RANBP2: variants seen among roughly 807,000 people sequenced by gnomAD.
RANBP2 encodes E3 SUMO-protein ligase RanBP2.
In RANBP2, 57 loss-of-function variants were observed where a neutral mutation model predicts 303.6. The ratio of observed to expected loss-of-function variants is 0.19; its 90% confidence interval spans 0.15 to 0.23. The LOEUF is 0.23. RANBP2 is among the 10% of genes least tolerant of loss of function. The pLI is 1.00. For synonymous variants in RANBP2, 1,167 were observed against 1,301.5 expected (o/e 0.90, Z 2.23); for missense variants, 3,138 against 3,780.8 (o/e 0.83, Z 4.46).
In RANBP2 at chr2:108,753,035, A is replaced by G. The variant is rs1346342185; in HGVS notation, c.1793A>G (p.Tyr598Cys). The G allele has an allele frequency of 1.9e-6, 3 of 1,609,754 alleles. No homozygotes were observed. Among genetic ancestry groups the G allele is most frequent in the African/African-American group, 2.7e-5 (2 of 74,574 alleles). The change falls in exon 13 of 29, where the codon TAC becomes TGC. Residue 598 changes from tyrosine (Y) to cysteine (C), a missense_variant. This residue lies in a region of RANBP2 where 162 missense variants were observed against 286.9 expected (regional missense o/e 0.56). Transcript: ENST00000283195. ...GLNSFYDQRE[Y>C]IGRSVHYWKK... ...AATTCTTTTTATGATCAACGAGAATACATAGGGAGAAGTGTTCATTATTGG... is the reference window on the plus strand; with the variant it reads ...AATTCTTTTTATGATCAACGAGAATGCATAGGGAGAAGTGTTCATTATTGG...
the RANBP2 span, among the ~76,000 whole-genome samples, chr2:108,997,075 T>C: frequency 6.6e-6 from 1 of 152,178 alleles, no homozygotes; most frequent in African/African-American, 2.4e-5. Context: ...AACTAGTCTC[T>C]GTTGCCAGAA....
the RANBP2 span, among the ~76,000 whole-genome samples, chr2:109,133,435 A>G: frequency 2.0e-5 from 3 of 152,232 alleles, no homozygotes; most frequent in Non-Finnish European, 2.9e-5. Flanking sequence ...TTTTATAAGC[A>G]TACACGTGTA....
At chr2:109,319,875 T>A in the RANBP2 span, among the ~76,000 whole-genome samples, 3 of 152,206 alleles carry the variant, frequency 2.0e-5, no homozygotes, top group Non-Finnish European at 1.5e-5. Context: ...CCATTTGCCC[T>A]GCATTTGGGA....
chr2:108,852,571 A>C, the RANBP2 span, among the ~76,000 whole-genome samples: 2 of 152,238 alleles, frequency 1.3e-5, no homozygotes, highest in Non-Finnish European at 2.9e-5. Context: ...CTATGCAGCC[A>C]TTAAAAAGAA....
chr2:109,364,252 C>T, the RANBP2 span, among the ~76,000 whole-genome samples: 7 of 151,696 alleles, frequency 4.6e-5, no homozygotes, highest in African/African-American at 1.7e-4. Flanking sequence ...CTTTCCTCAA[C>T]TGTGTCCAGT....
At chr2:109,001,121 T>C in the RANBP2 span, among the ~76,000 whole-genome samples, 1 of 152,142 alleles carries the variant, frequency 6.6e-6, no homozygotes, top group African/African-American at 2.4e-5. Context: ...GCTACATGAG[T>C]GGCTCGTATA....
the RANBP2 span, among the ~76,000 whole-genome samples, chr2:108,809,843 T>C: frequency 6.6e-6 from 1 of 152,150 alleles, no homozygotes; most frequent in South Asian, 2.1e-4. Context: ...TCTCACTCTG[T>C]CGCCCAGGCT....
chr2:109,109,683 A>G, the RANBP2 span, among the ~76,000 whole-genome samples: 1 of 152,236 alleles, frequency 6.6e-6, no homozygotes, highest in African/African-American at 2.4e-5. Flanking sequence ...GCAAAATAAG[A>G]CTTCATAAAT....
the RANBP2 span, among the ~76,000 whole-genome samples, chr2:108,893,328 C>T: frequency 6.6e-6 from 1 of 152,130 alleles, no homozygotes; most frequent in African/African-American, 2.4e-5. Context: ...TCAAATTTAA[C>T]AGTAGACTTC....
At chr2:109,124,918 G>A in the RANBP2 span, among the ~76,000 whole-genome samples, 2 of 152,164 alleles carry the variant, frequency 1.3e-5, no homozygotes, top group African/African-American at 4.8e-5. Flanking sequence ...CATATAGAGG[G>A]GCTTTGTTTA....
chr2:108,831,467 G>A, the RANBP2 span, among the ~76,000 whole-genome samples: 1 of 152,086 alleles, frequency 6.6e-6, no homozygotes, highest in African/African-American at 2.4e-5. Flanking sequence ...GTCGGAAGAG[G>A]CTTGGTATTT....
the RANBP2 span, among the ~76,000 whole-genome samples, chr2:109,256,225 A>G: frequency 6.6e-6 from 1 of 152,184 alleles, no homozygotes; most frequent in East Asian, 1.9e-4. Flanking sequence ...AAGACCCCAC[A>G]GTTGGAGAGC....
At chr2:109,090,348 A>C in the RANBP2 span, among the ~76,000 whole-genome samples, 1 of 151,106 alleles carries the variant, frequency 6.6e-6, no homozygotes, top group African/African-American at 2.4e-5. Flanking sequence ...ACACACACAC[A>C]CACACACACA....
the RANBP2 span, among the ~76,000 whole-genome samples, chr2:108,888,579 T>G: frequency 6.6e-6 from 1 of 152,088 alleles, no homozygotes; most frequent in Non-Finnish European, 1.5e-5. Flanking sequence ...ATTTTCTCTG[T>G]GTTTTCTAAT....
the RANBP2 span, among the ~76,000 whole-genome samples, chr2:109,364,826 C>A: frequency 1.2e-4 from 18 of 152,316 alleles, no homozygotes; most frequent in Middle Eastern, 3.4e-3. Flanking sequence ...TGTGGTGGCT[C>A]ACCCCTGTAC....
chr2:109,337,486 T>C, the RANBP2 span, among the ~76,000 whole-genome samples: 2 of 152,226 alleles, frequency 1.3e-5, no homozygotes, highest in Non-Finnish European at 2.9e-5. Flanking sequence ...TAAGGGACTG[T>C]GCAGGCAAGG....
the RANBP2 span, among the ~76,000 whole-genome samples, chr2:109,476,637 A>G: frequency 7.2e-5 from 11 of 152,224 alleles, no homozygotes; most frequent in African/African-American, 1.9e-4. Context: ...AGGGGTCCCA[A>G]TCCAGATCCC....
chr2:108,820,403 G>A, the RANBP2 span, among the ~76,000 whole-genome samples: 1 of 151,944 alleles, frequency 6.6e-6, no homozygotes, highest in South Asian at 2.1e-4. Context: ...AGAAGGAGGA[G>A]AGAGCTTATT....
chr2:109,668,402 C>T, the RANBP2 span, among the ~76,000 whole-genome samples: 76 of 152,194 alleles, frequency 5.0e-4, no homozygotes, highest in Non-Finnish European at 8.4e-4. Context: ...AAAATCATCA[C>T]CTCAAAGCAT....
Sources: gnomAD v4.1 joint callset for allele counts (sites outside exome capture counted in the v4.1 genomes callset) on GRCh38, gnomAD v4.1.1 for gene constraint, gnomAD v4.1.1 regional missense constraint, MANE v1.5 for transcripts, NCBI Gene and HGNC (gene_info 2026-07-23, HGNC 2026-07-21) for gene names.